LDB2: variants seen among roughly 807,000 people sequenced by gnomAD.
LDB2 encodes the protein LIM domain-binding protein 2.
Under a neutral mutation model 44.3 loss-of-function variants are expected in LDB2, and 12 were observed. The ratio of observed to expected loss-of-function variants is 0.27; its 90% CI spans 0.17 to 0.44. LDB2 has a LOEUF of 0.44. Among genes scored for constraint, LDB2 ranks in the 20% least tolerant of loss-of-function variants. The probability of loss-of-function intolerance (pLI) is 1.00; values close to 1 mark genes in which losing one functional copy is unlikely to be tolerated. For synonymous variants in LDB2, 164 were observed against 174.8 expected (o/e 0.94, Z 0.49); for missense variants, 344 against 473.5 (o/e 0.73, Z 2.54).
Position 16,745,622 on chromosome 4 carries a change from T to C in LDB2, c.235+13536A>G, listed in dbSNP as rs575533860. ...ACAGAGAGTTATTGTGGAAGACATA[T>C]GGAGGACCCCATACTGCGTTAAGAA... On this transcript the variant is annotated intron_variant, in intron 2 of 7. Coordinates refer to ENST00000304523, the MANE Select transcript of LDB2 (RefSeq NM_001290.5). Among the ~76,000 whole-genome samples the C allele has an allele frequency of 2.0e-5, 3 of 152,294 alleles. No individual in the cohort carries two copies. The South Asian group carries it at 6.2e-4, about 32-fold the overall frequency.
chr4:16,562,783 A>G (rs1014257808), intron 5 of LDB2, among the ~76,000 whole-genome samples: 19 of 152,350 alleles, frequency 1.2e-4, no homozygotes, highest in Non-Finnish European at 2.6e-4. Context: ...TTATTGCGGC[A>G]CTATTCACAA....
At chr4:16,744,215 G>A (rs1246782328) in intron 2 of LDB2, among the ~76,000 whole-genome samples, 3 of 152,170 alleles carry the variant, frequency 2.0e-5, no homozygotes, top group South Asian at 2.1e-4. Flanking sequence ...GGAGTGCAGT[G>A]GCTGGATCTC....
chr4:16,512,688 G>A (rs544688498), intron 5 of LDB2, among the ~76,000 whole-genome samples: 2 of 152,266 alleles, frequency 1.3e-5, no homozygotes, highest in South Asian at 2.1e-4. Context: ...TTTTATTCAT[G>A]TACTCATCTG....
intron 1 of LDB2, among the ~76,000 whole-genome samples, chr4:16,837,459 C>T (rs1785076366): frequency 6.6e-6 from 1 of 152,164 alleles, no homozygotes; most frequent in Non-Finnish European, 1.5e-5. Flanking sequence ...ATAGTCTCTT[C>T]CCACGTTGAC....
At chr4:16,750,213 A>T (rs902628008) in intron 2 of LDB2, among the ~76,000 whole-genome samples, 5 of 152,176 alleles carry the variant, frequency 3.3e-5, no homozygotes, top group African/African-American at 1.2e-4. Context: ...TATGCTGTAC[A>T]TTAGGTCTCT....
At chr4:16,830,737 A>G (rs76316617) in intron 1 of LDB2, among the ~76,000 whole-genome samples, 2,603 of 152,332 alleles carry the variant, frequency 0.017, 88 homozygotes, top group African/African-American at 0.059. Context: ...TGCCTGTGCC[A>G]AATGGAGGTG....
chr4:16,525,902 G>A (rs897138117), intron 5 of LDB2, among the ~76,000 whole-genome samples: 9 of 152,120 alleles, frequency 5.9e-5, no homozygotes, highest in East Asian at 1.9e-4. Context: ...CTAATGGTTC[G>A]AAATTGTGAC....
chr4:16,698,802 C>T lies in LDB2; in HGVS notation c.235+60356G>A, dbSNP rs191693497. On this transcript the variant is annotated intron_variant, in intron 2 of 7. Transcript: ENST00000304523. Reference sequence around the variant, plus strand: ...TTATTATTTTTCTTCATGGTTCCTACGCAATGGTTTATTGTTTATGTATGT... The same window carrying T: ...TTATTATTTTTCTTCATGGTTCCTATGCAATGGTTTATTGTTTATGTATGT... 1.1e-3 allele frequency among the ~76,000 whole-genome samples: 162 copies of T among 152,232 alleles called. 1 individual carries two copies. The highest frequency in any genetic ancestry group is 2.9e-3 in the African/African-American group (122 of 41,552).
At chr4:16,594,283 TG>T (rs1452408800) in intron 3 of LDB2, among the ~76,000 whole-genome samples, 1 of 152,198 alleles carries the variant, frequency 6.6e-6, no homozygotes, top group African/African-American at 2.4e-5. Flanking sequence ...CATGTCCGTC[TG>T]ATCTACAAGA....
At chr4:16,588,865 C>G in intron 3 of LDB2, 33 bp from the exon 4 acceptor site, 1 of 1,606,798 alleles carries the variant, frequency 6.2e-7, no homozygotes, top group Non-Finnish European at 8.5e-7. Context: ...TCATTCATTA[C>G]GCACTTTGTG....
chr4:16,622,440 C>T (rs144043347), intron 2 of LDB2, among the ~76,000 whole-genome samples: 30 of 152,258 alleles, frequency 2.0e-4, no homozygotes, highest in Middle Eastern at 3.4e-3. Context: ...TGGGAAATAG[C>T]GATAGCAAAA....
intron 2 of LDB2, among the ~76,000 whole-genome samples, chr4:16,733,170 T>C (rs1365856703): frequency 2.6e-5 from 4 of 152,218 alleles, no homozygotes; most frequent in African/African-American, 7.2e-5. Context: ...GGCTGCCTAC[T>C]ACCTTGATGA....
chr4:16,765,478 G>A (rs975704139), intron 1 of LDB2, among the ~76,000 whole-genome samples: 14 of 152,298 alleles, frequency 9.2e-5, no homozygotes, highest in African/African-American at 3.1e-4. Context: ...CCAATAGAGC[G>A]TATATGAAAT....
intron 1 of LDB2, among the ~76,000 whole-genome samples, chr4:16,813,094 G>T (rs1476107868): frequency 3.9e-5 from 6 of 151,918 alleles, no homozygotes; most frequent in Non-Finnish European, 8.8e-5. Context: ...CCCTTGCCAG[G>T]TTTAAGCAAT....
At chr4:16,601,635 T>C (rs1422907244) in intron 2 of LDB2, among the ~76,000 whole-genome samples, 1 of 152,200 alleles carries the variant, frequency 6.6e-6, no homozygotes, top group East Asian at 1.9e-4. Context: ...AAAATTTTTA[T>C]CTAAACATGA....
chr4:16,836,980 A>C (rs886482119), intron 1 of LDB2, among the ~76,000 whole-genome samples: 2 of 152,152 alleles, frequency 1.3e-5, no homozygotes, highest in Non-Finnish European at 2.9e-5. Context: ...CTGCTACATA[A>C]CCATTATCTG....
chr4:16,773,266 G>A (rs1441584568), intron 1 of LDB2, among the ~76,000 whole-genome samples: 2 of 152,084 alleles, frequency 1.3e-5, no homozygotes, highest in African/African-American at 4.8e-5. Context: ...GGTTTTTCAC[G>A]GACACTCTGG....
chr4:16,570,260 G>A (rs1053563211), intron 5 of LDB2, among the ~76,000 whole-genome samples: 3 of 151,332 alleles, frequency 2.0e-5, no homozygotes, highest in South Asian at 2.1e-4. Flanking sequence ...TCAGGAGATC[G>A]AGACCACCCT....
intron 2 of LDB2, among the ~76,000 whole-genome samples, chr4:16,632,610 G>A (rs183080090): frequency 9.9e-5 from 15 of 152,192 alleles, no homozygotes; most frequent in Admixed American, 2.6e-4. Flanking sequence ...AGCAATAAAG[G>A]GTATTCAAAT....
Sources: gnomAD v4.1 joint callset for allele counts (sites outside exome capture counted in the v4.1 genomes callset) on GRCh38, gnomAD v4.1.1 for gene constraint, MANE v1.5 for transcripts, NCBI Gene and HGNC (gene_info 2026-07-23, HGNC 2026-07-21) for gene names.